Variants in FAM193A observed in about 807,000 individuals in gnomAD.
The protein encoded by FAM193A is protein FAM193A.
A neutral mutation model predicts 126.5 loss-of-function variants in FAM193A; 22 were observed. That is an observed-to-expected ratio of 0.17 (90% CI 0.12 to 0.25). The LOEUF is 0.25. FAM193A is among the 10% of genes least tolerant of loss of function. The pLI, the probability that FAM193A is intolerant of heterozygous loss-of-function variation, is 1.00. For missense variants in FAM193A, 1,675 were observed against 1,672.8 expected (o/e 1.00, Z -0.02); for synonymous variants, 761 against 646.8 (o/e 1.18, Z -2.68).
chr4:2,652,364 T>C (rs907135655), intron 7 of FAM193A, among the ~76,000 whole-genome samples: 1 of 152,208 alleles, frequency 6.6e-6, no homozygotes, highest in African/African-American at 2.4e-5. Flanking sequence ...TTCACTTGAT[T>C]TATCCCTGGT....
At chr4:2,675,175 G>A (rs551552124) in intron 13 of FAM193A, among the ~76,000 whole-genome samples, 1 of 152,190 alleles carries the variant, frequency 6.6e-6, no homozygotes, top group South Asian at 2.1e-4. Context: ...GGTCTGTCTT[G>A]GTGAATGTTC....
At position 2,732,131 on chromosome 4, in the gene FAM193A, C is replaced by T. The variant is rs1018107638; in HGVS notation, c.*263C>T. On this transcript the variant is annotated 3_prime_UTR_variant, in exon 21 of 21. Transcript: ENST00000637812. ...AGTTCCCGCCAAGTCCTCCCACCAC[C>T]GCGGCCTCGGAGGCCTGGGCCGTGG... 11 of 498,516 alleles carry T rather than the reference C, an allele frequency of 2.2e-5. No homozygotes were observed. Among genetic ancestry groups the T allele is most frequent in the African/African-American group, 1.6e-4 (8 of 51,484 alleles). The allele number at this position is 498,516 out of a possible 1,614,324, so 30.9% of individuals were successfully genotyped here.
chr4:2,682,784 C>T (rs923094727), intron 13 of FAM193A, among the ~76,000 whole-genome samples: 1 of 152,268 alleles, frequency 6.6e-6, no homozygotes, highest in Middle Eastern at 3.4e-3. Context: ...TTACTCCCGA[C>T]CCTTCCCTAT....
intron 1 of FAM193A, among the ~76,000 whole-genome samples, chr4:2,590,896 G>T (rs1026213797): frequency 6.6e-6 from 1 of 151,552 alleles, no homozygotes; most frequent in African/African-American, 2.4e-5. Context: ...GCGTGGTGGC[G>T]CGCGCCTGTA....
At chr4:2,728,430 C>T (rs1721000354) in intron 20 of FAM193A, among the ~76,000 whole-genome samples, 3 of 151,526 alleles carry the variant, frequency 2.0e-5, no homozygotes, top group African/African-American at 7.3e-5. Flanking sequence ...TTTCGTTTTT[C>T]TATTTTCCTG....
intron 5 of FAM193A, among the ~76,000 whole-genome samples, chr4:2,637,096 G>A (rs1744155179): frequency 1.3e-5 from 2 of 152,338 alleles, no homozygotes; most frequent in South Asian, 4.1e-4. Context: ...GGAGGCCAAG[G>A]TGGGTGGATT....
chr4:2,680,807 A>C (rs1010841099), intron 13 of FAM193A, among the ~76,000 whole-genome samples: 2 of 151,452 alleles, frequency 1.3e-5, no homozygotes, highest in Non-Finnish European at 2.9e-5. Context: ...ATGCCCGGCT[A>C]ATTTTTGTAT....
intron 1 of FAM193A, among the ~76,000 whole-genome samples, chr4:2,543,542 CA>C (rs952931125): frequency 6.6e-6 from 1 of 151,700 alleles, no homozygotes; most frequent in African/African-American, 2.4e-5. Context: ...CACTGCTCTA[CA>C]AAAAATTAAA....
chr4:2,560,191 C>T (rs544988468), intron 1 of FAM193A, among the ~76,000 whole-genome samples: 1 of 152,282 alleles, frequency 6.6e-6, no homozygotes, highest in African/African-American at 2.4e-5. Flanking sequence ...GATCCACCCG[C>T]CTCGGCCTCC....
At chr4:2,599,574 G>C (rs1475847589) in intron 2 of FAM193A, among the ~76,000 whole-genome samples, 1 of 152,168 alleles carries the variant, frequency 6.6e-6, no homozygotes, top group Non-Finnish European at 1.5e-5. Context: ...CCTGACAGTT[G>C]CACGTTGCAA....
In FAM193A at chr4:2,700,339, G is replaced by A. The variant is rs78288161; in HGVS notation, c.4167G>A (p.Glu1389=). Residue 1389 remains glutamate (E), a synonymous_variant, in exon 19 of 21, where the codon GAG becomes GAA. Coordinates refer to ENST00000637812, the MANE Select transcript of FAM193A (RefSeq NM_001366318.2). ...DLMSITEQKR[E]ERKVNSNNNN... ...TGTCCATCACAGAGCAGAAAAGAGAGGAGAGAAAAGTCAACAGTAATAACA... is the reference window on the plus strand; with the variant it reads ...TGTCCATCACAGAGCAGAAAAGAGAAGAGAGAAAAGTCAACAGTAATAACA... 1 of 1,613,992 alleles carries A rather than the reference G, an allele frequency of 6.2e-7. No individual in the cohort carries two copies. Among genetic ancestry groups the A allele is most frequent in the Non-Finnish European group, 8.5e-7 (1 of 1,180,008 alleles).
At chr4:2,573,531 G>A (rs1023615981) in intron 1 of FAM193A, among the ~76,000 whole-genome samples, 1 of 150,952 alleles carries the variant, frequency 6.6e-6, no homozygotes, top group African/African-American at 2.4e-5. Context: ...AAAAAAAAAG[G>A]TCCGTGTGTG....
At chr4:2,596,380 G>C (rs1363634916) in intron 2 of FAM193A, 51 bp downstream of exon 2, 3 of 681,136 alleles carry the variant, frequency 4.4e-6, no homozygotes, top group Non-Finnish European at 8.1e-6. Flanking sequence ...CCCCCGCCCA[G>C]GTTATGGGGT....
At chr4:2,699,478 A>G (rs1386057644) in intron 18 of FAM193A, among the ~76,000 whole-genome samples, 2 of 142,574 alleles carry the variant, frequency 1.4e-5, no homozygotes, top group African/African-American at 2.5e-5. Context: ...GTAAGCATAT[A>G]CTTTAGTAAA....
chr4:2,696,651 G>A (rs1284267133), intron 18 of FAM193A, 58 bp downstream of exon 18: 37 of 1,350,908 alleles, frequency 2.7e-5, no homozygotes, highest in Admixed American at 3.7e-5. Context: ...TGAAGGTGCC[G>A]TGCCACGCCA....
chr4:2,551,257 G>A lies in FAM193A; in HGVS notation c.255+14087G>A, dbSNP rs192433431. 2.0e-5 allele frequency among the ~76,000 whole-genome samples: 3 copies of A among 152,314 alleles called. No individual in the cohort carries two copies. In the East Asian group the frequency reaches 5.8e-4, roughly 29 times the overall value. ...TTATCTCAAATGTTTGGAACCAGAAGTCTTTTGGATTTCAGATAATTTCAC... is the reference window on the plus strand; with the variant it reads ...TTATCTCAAATGTTTGGAACCAGAAATCTTTTGGATTTCAGATAATTTCAC... On this transcript the variant is annotated intron_variant, in intron 1 of 20. Transcript: ENST00000637812.
chr4:2,641,377 G>C (rs764527241), intron 6 of FAM193A, among the ~76,000 whole-genome samples: 12 of 151,986 alleles, frequency 7.9e-5, no homozygotes, highest in East Asian at 3.9e-4. Context: ...CCGTATATTA[G>C]GACTGGTACG....
chr4:2,559,773 C>G (rs887554885), intron 1 of FAM193A, among the ~76,000 whole-genome samples: 1 of 152,168 alleles, frequency 6.6e-6, no homozygotes, highest in Admixed American at 6.5e-5. Flanking sequence ...TGCCAGACTC[C>G]GGCTGCACGG....
chr4:2,587,403 A>G (rs1222801252), intron 1 of FAM193A, among the ~76,000 whole-genome samples: 1 of 152,178 alleles, frequency 6.6e-6, no homozygotes, highest in African/African-American at 2.4e-5. Flanking sequence ...CATTAGGCCC[A>G]CCTCCAGCAC....
Sources: gnomAD v4.1 joint callset for allele counts (sites outside exome capture counted in the v4.1 genomes callset) on GRCh38, gnomAD v4.1.1 for gene constraint, MANE v1.5 for transcripts, NCBI Gene and HGNC (gene_info 2026-07-23, HGNC 2026-07-21) for gene names.